Variants in VDAC3 observed in about 807,000 individuals in gnomAD.
VDAC3 encodes the protein non-selective voltage-gated ion channel VDAC3.
Under a neutral mutation model 33.9 loss-of-function variants are expected in VDAC3, and 7 were observed. The observed-to-expected ratio is 0.21, with a 90% CI of 0.12 to 0.39. The LOEUF is 0.39. Among genes scored for constraint, VDAC3 ranks in the 10% least tolerant of loss-of-function variants. VDAC3 has a pLI of 1.00. For synonymous variants in VDAC3, 100 were observed against 122.4 expected, an observed-to-expected ratio of 0.82 and a Z score of 1.21; for missense variants, 261 against 334.5, an observed-to-expected ratio of 0.78 and a Z score of 1.71.
intron 1 of VDAC3, among the ~76,000 whole-genome samples, chr8:42,393,241 G>T (rs1824902587): frequency 6.6e-6 from 1 of 152,154 alleles, no homozygotes; most frequent in Admixed American, 6.5e-5. Flanking sequence ...TGGATTAAGA[G>T]CTGGGCTATA....
intron 4 of VDAC3, among the ~76,000 whole-genome samples, chr8:42,395,533 G>T (rs948474945): frequency 6.6e-6 from 1 of 152,148 alleles, no homozygotes; most frequent in Non-Finnish European, 1.5e-5. Context: ...AACAAAATAT[G>T]TAAATAAAAT....
chr8:42,397,272 A>AT (rs11288393), intron 4 of VDAC3: 23 of 150,960 alleles, frequency 1.5e-4, no homozygotes, highest in South Asian at 6.3e-4. Context: ...ACATGTTATC[A>AT]TTTTTTTTTT....
chr8:42,399,733 G>A (rs761125092), intron 6 of VDAC3, 30 bp downstream of exon 6: 17 of 1,603,810 alleles, frequency 1.1e-5, no homozygotes, highest in East Asian at 8.9e-5. Flanking sequence ...TTCCTGAAAC[G>A]TTTTTGGAGC....
intron 7 of VDAC3, among the ~76,000 whole-genome samples, chr8:42,402,396 C>G (rs2130890865): frequency 6.6e-6 from 1 of 152,300 alleles, no homozygotes; most frequent in Non-Finnish European, 1.5e-5. Flanking sequence ...TCACCAACAA[C>G]CACCACCAAA....
At chr8:42,400,914 G>A (rs917446761) in intron 6 of VDAC3, among the ~76,000 whole-genome samples, 34 of 151,642 alleles carry the variant, frequency 2.2e-4, no homozygotes, top group African/African-American at 7.5e-4. Flanking sequence ...CGCCTGGCTC[G>A]GCCTCCCAAA....
At chr8:42,395,165 A>T (rs1478237913) in intron 4 of VDAC3, 32 bp downstream of exon 4, 5 of 1,612,796 alleles carry the variant, frequency 3.1e-6, no homozygotes. Flanking sequence ...AATGAATGTA[A>T]CATAATTAAC....
intron 3 of VDAC3, 108 bp downstream of exon 3, chr8:42,394,386 C>T: frequency 1.0e-6 from 1 of 964,404 alleles, no homozygotes; most frequent in East Asian, 2.4e-5. Flanking sequence ...CATTATTCCA[C>T]TTCACAAGAT....
At chr8:42,400,113 G>A (rs1001771730) in intron 6 of VDAC3, among the ~76,000 whole-genome samples, 4 of 152,062 alleles carry the variant, frequency 2.6e-5, no homozygotes, top group East Asian at 1.9e-4. Context: ...CGAGATGGGC[G>A]GATCATGAGG....
chr8:42,400,898 G>A (rs980430452), intron 6 of VDAC3, among the ~76,000 whole-genome samples: 4 of 151,744 alleles, frequency 2.6e-5, no homozygotes, highest in Admixed American at 6.6e-5. Flanking sequence ...TCTTGACCTC[G>A]TGTTCCGCCT....
chr8:42,401,729 A>G (rs561027240), intron 6 of VDAC3, 59 bp from the exon 7 acceptor site: 7 of 1,517,530 alleles, frequency 4.6e-6, no homozygotes, highest in Non-Finnish European at 6.4e-6. Flanking sequence ...AAATTCCTAG[A>G]CAGTAGTAAG....
At chr8:42,402,088 A>G in intron 7 of VDAC3, 73 bp downstream of exon 7, 5 of 1,439,162 alleles carry the variant, frequency 3.5e-6, no homozygotes, top group Middle Eastern at 3.5e-4. Context: ...CATGCTGAGA[A>G]GTGATGGTAC....
chr8:42,393,298 A>G (rs1554540932), intron 1 of VDAC3, among the ~76,000 whole-genome samples: 2 of 151,896 alleles, frequency 1.3e-5, no homozygotes, highest in East Asian at 1.9e-4. Context: ...AGGCGTAGCA[A>G]TTGCAAGGGC....
Position 42,404,963 on chromosome 8 carries a change from A to C in VDAC3, c.760+39A>C. On this transcript the variant is annotated intron_variant, in intron 9 of 9. Transcript: ENST00000022615. ...TTAGTAACAGAGGGGTTGAGGTGGA[A>C]GGTGATAGAGAAAACAATGAAAATA... 1.9e-6 allele frequency: 3 copies of C among 1,576,764 alleles called. No individual in the cohort carries two copies. The South Asian group carries it at 3.4e-5, about 18-fold the overall frequency.
At position 42,392,515 on chromosome 8, in the gene VDAC3, CTGT is replaced by C. The variant is rs574908074; in HGVS notation, c.-43+592_-43+594del. 3.0e-3 allele frequency among the ~76,000 whole-genome samples: 458 copies of C among 152,322 alleles called. 1 individual carries two copies. The highest frequency in any genetic ancestry group is 0.011 in the African/African-American group (440 of 41,560). ...TTTACTCTCGAGGAACATGAAGTTT[CTGT>C]TGTTCTCGATTTTTGCTTGATCATA... On this transcript the variant is annotated intron_variant, in intron 1 of 9. Coordinates refer to ENST00000022615, the MANE Select transcript of VDAC3 (RefSeq NM_005662.7).
At chr8:42,399,734 T>C in intron 6 of VDAC3, 31 bp downstream of exon 6, 1 of 1,600,636 alleles carries the variant, frequency 6.2e-7, no homozygotes, top group Non-Finnish European at 8.5e-7. Flanking sequence ...TCCTGAAACG[T>C]TTTTGGAGCC....
chr8:42,404,510 G>A (rs1802467335), intron 8 of VDAC3, among the ~76,000 whole-genome samples: 1 of 152,026 alleles, frequency 6.6e-6, no homozygotes, highest in Non-Finnish European at 1.5e-5. Flanking sequence ...ATCACCTGAG[G>A]TCAGGAGTTT....
intron 6 of VDAC3, among the ~76,000 whole-genome samples, chr8:42,401,216 T>C (rs1409878906): frequency 6.6e-6 from 1 of 152,192 alleles, no homozygotes; most frequent in Non-Finnish European, 1.5e-5. Flanking sequence ...TTTTTTCTTT[T>C]GAGACGAGTC....
At position 42,395,119 on chromosome 8, in the gene VDAC3, T is replaced by G. The variant is rs1238899446; in HGVS notation, c.103T>G (p.Ser35Ala). 1.2e-6 allele frequency: 2 copies of G among 1,613,826 alleles called. No homozygotes were observed. Among genetic ancestry groups the G allele is most frequent in the Non-Finnish European group, 1.7e-6 (2 of 1,179,952 alleles). Residue 35 changes from serine (S) to alanine (A), a missense_variant, in exon 4 of 10, where the codon TCT (serine) becomes GCT (alanine). Physicochemically the swap from Ser to Ala is moderately conservative, Grantham distance 99. Transcript: ENST00000022615. ...GGTCAAGATAGACCTGAAAACCAAG[T>G]CTTGTAGTGGAGTGGTGAGTATCTA... Reference protein sequence around the residue: ...GMVKIDLKTKSCSGVEFSTSG... With the variant: ...GMVKIDLKTKACSGVEFSTSG...
At position 42,403,453 on chromosome 8, in the gene VDAC3, T is replaced by A. The variant is rs1802450654; in HGVS notation, c.694T>A (p.Ser232Thr). Residue 232 changes from serine to threonine, a missense_variant, in exon 8 of 10, where the codon TCT becomes ACT. Physicochemically the swap from Ser to Thr is moderately conservative, Grantham distance 58. Coordinates refer to ENST00000022615, the MANE Select transcript of VDAC3 (RefSeq NM_005662.7). Reference protein sequence around the residue: ...AAKYMLDCRTSLSAKVNNASL... With the variant: ...AAKYMLDCRTTLSAKVNNASL... ...TAAGTACATGCTGGATTGTAGAACT[T>A]CTCTCTCTGTAAGAATGTGCTGCCA... is the stretch of plus-strand genomic sequence containing the variant. 5.1e-6 allele frequency: 8 copies of A among 1,578,208 alleles called. No individual in the cohort carries two copies. Among genetic ancestry groups the A allele is most frequent in the Non-Finnish European group, 6.9e-6 (8 of 1,166,308 alleles).
Sources: gnomAD v4.1 joint callset for allele counts (sites outside exome capture counted in the v4.1 genomes callset) on GRCh38, gnomAD v4.1.1 for gene constraint, MANE v1.5 for transcripts, NCBI Gene and HGNC (gene_info 2026-07-23, HGNC 2026-07-21) for gene names.